WFDC2: variants seen among roughly 807,000 people sequenced by gnomAD.
WFDC2 encodes WAP four-disulfide core domain protein 2.
A neutral mutation model predicts 12.5 loss-of-function variants in WFDC2; 8 were observed. That is an observed-to-expected ratio of 0.64 (90% CI 0.37 to 1.15). The LOEUF is 1.15. WFDC2 is among the 50% of genes most tolerant of loss of function. WFDC2 has a pLI of 0.01. For missense variants in WFDC2, 166 were observed against 159.9 expected (o/e 1.04, Z -0.21); for synonymous variants, 74 against 67.2 (o/e 1.10, Z -0.49).
At chr20:45,475,743 G>A (rs566653956) in intron 2 of WFDC2, among the ~76,000 whole-genome samples, 49 of 152,212 alleles carry the variant, frequency 3.2e-4, no homozygotes, top group South Asian at 1.0e-3. Context: ...TTAATTTTCC[G>A]TCTCATTGAT....
intron 2 of WFDC2, among the ~76,000 whole-genome samples, chr20:45,473,555 T>C (rs57347854): frequency 0.12 from 18,553 of 152,190 alleles, 1,682 homozygotes; most frequent in East Asian, 0.34. Flanking sequence ...TCTGTTTTGG[T>C]ACCAGTACCA....
chr20:45,470,249 G>A lies in WFDC2; in HGVS notation c.80-140G>A. The A allele has an allele frequency of 8.1e-7, 1 of 1,233,948 alleles. No individual in the cohort carries two copies. The highest frequency in any genetic ancestry group is 1.1e-6 in the Non-Finnish European group (1 of 915,370). The allele number at this position is 1,233,948 out of a possible 1,614,324, so 76.4% of individuals were successfully genotyped here. On this transcript the variant is annotated intron_variant, in intron 1 of 3. Coordinates refer to ENST00000372676, the MANE Select transcript of WFDC2 (RefSeq NM_006103.4). The surrounding 1 kb of genome is among the most constrained non-coding windows in gnomAD (Gnocchi z 5.4). ...GTCAGGGACTCCTGGTCTGGAAGAA[G>A]GAGTCTCTGGGGGCTGTAAGGGGAC...
At chr20:45,469,974 G>T in intron 1 of WFDC2, 114 bp downstream of exon 1, 1 of 1,326,926 alleles carries the variant, frequency 7.5e-7, no homozygotes, top group South Asian at 1.4e-5. Context: ...TTCCGGGGGC[G>T]GAAGTGGCGG....
chr20:45,472,406 A>G (rs994938653), intron 2 of WFDC2, among the ~76,000 whole-genome samples: 4 of 152,168 alleles, frequency 2.6e-5, no homozygotes, highest in African/African-American at 9.7e-5. Flanking sequence ...GCTGAGAATG[A>G]TGGTTTCCAG....
chr20:45,472,078 T>G (rs1991179305), intron 2 of WFDC2, among the ~76,000 whole-genome samples: 1 of 152,136 alleles, frequency 6.6e-6, no homozygotes, highest in Non-Finnish European at 1.5e-5. Context: ...AGAATGAATT[T>G]CTTTGTATTA....
At chr20:45,477,393 T>C (rs968631364) in intron 2 of WFDC2, among the ~76,000 whole-genome samples, 1 of 152,220 alleles carries the variant, frequency 6.6e-6, no homozygotes, top group East Asian at 1.9e-4. Flanking sequence ...GTTGATGCTA[T>C]TCCTTTCTGT....
intron 2 of WFDC2, 144 bp from the exon 3 acceptor site, chr20:45,479,798 C>T: frequency 6.2e-7 from 1 of 1,613,428 alleles, no homozygotes; most frequent in South Asian, 1.1e-5. Flanking sequence ...CTGAGAGCAG[C>T]TCAGGTGCCC....
At chr20:45,471,068 T>A (rs1407666459) in intron 2 of WFDC2, 2 of 464,262 alleles carry the variant, frequency 4.3e-6, no homozygotes, top group Non-Finnish European at 9.0e-6. Context: ...GGAGCATCGG[T>A]GAGAAAAAAA....
At position 45,480,098 on chromosome 20, in the gene WFDC2, A is replaced by G; in HGVS notation, c.*1+4A>G. Reference sequence around the variant, plus strand: ...TGTGTCACTCCCAATTTCTGAGGTAAGTGAACGGGAAAGAGAAAGTGCATT... The same window carrying G: ...TGTGTCACTCCCAATTTCTGAGGTAGGTGAACGGGAAAGAGAAAGTGCATT... On this transcript the variant is annotated splice_donor_region_variant and intron_variant, in intron 3 of 3. Coordinates refer to ENST00000372676, the MANE Select transcript of WFDC2 (RefSeq NM_006103.4). 1 of 1,613,462 alleles carries G rather than the reference A, an allele frequency of 6.2e-7. No homozygotes were observed. Among genetic ancestry groups the G allele is most frequent in the Non-Finnish European group, 8.5e-7 (1 of 1,179,522 alleles).
chr20:45,480,019 A>C lies in WFDC2; in HGVS notation c.301A>C (p.Ser101Arg). Residue 101 changes from serine (S) to arginine (R), a missense_variant, in exon 3 of 4, where the codon AGC (serine) becomes CGC (arginine). Coordinates refer to ENST00000372676, the MANE Select transcript of WFDC2 (RefSeq NM_006103.4). ...CTGTCGGGACCAGTGCCAGGTGGACAGCCAGTGTCCTGGCCAGATGAAATG... is the reference window on the plus strand; with the variant it reads ...CTGTCGGGACCAGTGCCAGGTGGACCGCCAGTGTCCTGGCCAGATGAAATG... ...GLCRDQCQVD[S>R]QCPGQMKCCR... 6.2e-7 allele frequency: 1 copy of C among 1,614,232 alleles called. No homozygotes were observed. The highest frequency in any genetic ancestry group is 8.5e-7 in the Non-Finnish European group (1 of 1,180,036).
intron 2 of WFDC2, among the ~76,000 whole-genome samples, chr20:45,477,650 A>G (rs6073752): frequency 0.13 from 18,608 of 144,314 alleles, 1,690 homozygotes; most frequent in East Asian, 0.35. Context: ...AGACACGGAA[A>G]TCAGGGACTC....
At chr20:45,479,467 G>C (rs892438356) in intron 2 of WFDC2, 1 of 568,390 alleles carries the variant, frequency 1.8e-6, no homozygotes, top group Non-Finnish European at 3.1e-6. Context: ...TAGGATTATT[G>C]TGAGAATTAG....
At chr20:45,475,035 C>T (rs529412808) in intron 2 of WFDC2, among the ~76,000 whole-genome samples, 54 of 152,250 alleles carry the variant, frequency 3.5e-4, no homozygotes, top group Non-Finnish European at 5.3e-4. Flanking sequence ...TCCCCTTTGT[C>T]ATTTTTTATT....
chr20:45,481,320 A>T (rs747982927), intron 3 of WFDC2, 51 bp from the exon 4 acceptor site: 4 of 152,164 alleles, frequency 2.6e-5, no homozygotes, highest in Non-Finnish European at 5.9e-5. Context: ...ACTCCTGCCT[A>T]GTCTAATGGA....
At position 45,481,466 on chromosome 20, in the gene WFDC2, C is replaced by T. The variant is rs1991300443; in HGVS notation, c.*97C>T. The T allele has an allele frequency of 6.6e-6, 1 of 152,408 alleles. No homozygotes were observed. Among genetic ancestry groups the T allele is most frequent in the Non-Finnish European group, 1.5e-5 (1 of 68,168 alleles). 9.4% of individuals were successfully genotyped at this position (152,408 alleles called of 1,614,324 possible). A position where few individuals can be genotyped will look rare whatever the true frequency, so the allele number is the denominator to read the frequency against. Reference sequence around the variant, plus strand: ...ACCTGCCCTCCCCTTTTTCGGGACTCTGTATTCCCTCTTGGGCTGACCACA... The same window carrying T: ...ACCTGCCCTCCCCTTTTTCGGGACTTTGTATTCCCTCTTGGGCTGACCACA... On this transcript the variant is annotated 3_prime_UTR_variant, in exon 4 of 4. Transcript: ENST00000372676.
chr20:45,474,712 C>A (rs1443827475), intron 2 of WFDC2, among the ~76,000 whole-genome samples: 1 of 152,198 alleles, frequency 6.6e-6, no homozygotes, highest in African/African-American at 2.4e-5. Context: ...GGAGGAGGCT[C>A]TCTTTTTCTA....
At chr20:45,480,482 G>A (rs1395666151) in intron 3 of WFDC2, among the ~76,000 whole-genome samples, 1 of 151,920 alleles carries the variant, frequency 6.6e-6, no homozygotes, top group Admixed American at 6.6e-5. Context: ...TAATGGGTGT[G>A]GTGGCGGGTG....
chr20:45,476,009 T>G (rs957676015), intron 2 of WFDC2, among the ~76,000 whole-genome samples: 2 of 152,236 alleles, frequency 1.3e-5, no homozygotes, highest in Admixed American at 6.5e-5. Context: ...CCTGATTTTT[T>G]TTTGCTTTCC....
chr20:45,472,216 C>T (rs1229265032), intron 2 of WFDC2, among the ~76,000 whole-genome samples: 1 of 152,078 alleles, frequency 6.6e-6, no homozygotes, highest in East Asian at 1.9e-4. Context: ...TTTGCTTCAC[C>T]CATCAACCCG....
Sources: gnomAD v4.1 joint callset for allele counts (sites outside exome capture counted in the v4.1 genomes callset) on GRCh38, gnomAD v4.1.1 for gene constraint, Gnocchi (gnomAD v3.1) non-coding constraint, MANE v1.5 for transcripts, NCBI Gene and HGNC (gene_info 2026-07-23, HGNC 2026-07-21) for gene names.